OTOA: variants seen among roughly 807,000 people sequenced by gnomAD.
The protein encoded by OTOA is cancer/testis antigen 108.
A neutral mutation model predicts 110.8 loss-of-function variants in OTOA; 70 were observed. That is an observed-to-expected ratio of 0.63 (90% CI 0.52 to 0.77). The LOEUF is 0.77. Ranked by LOEUF, OTOA falls within the 30% of genes least tolerant of loss-of-function variation. OTOA has a pLI of 0.00. For synonymous variants in OTOA, 373 were observed against 431.5 expected (o/e 0.86, Z 1.68); for missense variants, 917 against 1,075.8 (o/e 0.85, Z 2.06).
At chr16:21,707,628 T>TCTTTCTTC (rs2141684479) in intron 12 of OTOA, among the ~76,000 whole-genome samples, 1 of 107,214 alleles carries the variant, frequency 9.3e-6, no homozygotes, top group South Asian at 2.9e-4. Context: ...TTTCTTTCTT[T>TCTTTCTTC]CTTTCTTTCT....
chr16:21,723,297 G>A (rs867149340), intron 18 of OTOA, among the ~76,000 whole-genome samples: 15 of 152,172 alleles, frequency 9.9e-5, no homozygotes, highest in African/African-American at 3.6e-4. Context: ...GAGTTGAGGG[G>A]AGCAGTAGGC....
At chr16:21,694,402 C>G (rs1897892034) in intron 9 of OTOA, among the ~76,000 whole-genome samples, 1 of 151,998 alleles carries the variant, frequency 6.6e-6, no homozygotes. Context: ...GTGATGGAGC[C>G]ACTGGACTCC....
intron 13 of OTOA, among the ~76,000 whole-genome samples, chr16:21,712,056 G>T (rs1898374119): frequency 6.6e-6 from 1 of 152,146 alleles, no homozygotes; most frequent in African/African-American, 2.4e-5. Context: ...GGCTGGGCAT[G>T]GTGGCTTATG....
At chr16:21,699,431 T>C (rs1021727312) in intron 10 of OTOA, among the ~76,000 whole-genome samples, 16 of 151,942 alleles carry the variant, frequency 1.1e-4, no homozygotes, top group African/African-American at 3.9e-4. Context: ...AGCCCAGAAG[T>C]GCAAGACCAG....
At chr16:21,680,865 A>AG (rs1293420076) in intron 5 of OTOA, among the ~76,000 whole-genome samples, 1 of 152,060 alleles carries the variant, frequency 6.6e-6, no homozygotes. Flanking sequence ...AAAAAAAAAA[A>AG]AAAAATGAGA....
chr16:21,707,724 C>T (rs1157208881), intron 12 of OTOA, among the ~76,000 whole-genome samples: 1 of 130,844 alleles, frequency 7.6e-6, no homozygotes, highest in Non-Finnish European at 1.6e-5. Flanking sequence ...TCTTCTCTTT[C>T]TCACTCTCTC....
At chr16:21,725,450 C>A (rs1338855719) in intron 18 of OTOA, among the ~76,000 whole-genome samples, 4 of 152,154 alleles carry the variant, frequency 2.6e-5, no homozygotes, top group Non-Finnish European at 5.9e-5. Flanking sequence ...CCATGCCCAG[C>A]TAATTTTTTG....
At chr16:21,677,725 G>T (rs558553867) in intron 1 of OTOA, among the ~76,000 whole-genome samples, 1 of 151,748 alleles carries the variant, frequency 6.6e-6, no homozygotes, top group African/African-American at 2.4e-5. Context: ...CTCATGATCC[G>T]CCCACCTCAG....
intron 11 of OTOA, among the ~76,000 whole-genome samples, chr16:21,701,901 T>G (rs1470398288): frequency 6.7e-6 from 1 of 149,814 alleles, no homozygotes; most frequent in East Asian, 2.0e-4. Flanking sequence ...CCTCCCAAAC[T>G]GCTGGGATTA....
intron 9 of OTOA, among the ~76,000 whole-genome samples, chr16:21,695,891 A>ATATATTTTTTTTTT (rs569493650): frequency 7.2e-5 from 3 of 41,904 alleles, no homozygotes; most frequent in East Asian, 5.9e-4. Flanking sequence ...ATATATATAT[A>ATATATTTTTTTTTT]TTTTTTTTTT....
At chr16:21,689,602 CAG>C (rs1032678635) in intron 8 of OTOA, among the ~76,000 whole-genome samples, 2 of 152,078 alleles carry the variant, frequency 1.3e-5, no homozygotes, top group African/African-American at 4.8e-5. Context: ...CAGCTGGATC[CAG>C]AGACTCAAAT....
intron 8 of OTOA, among the ~76,000 whole-genome samples, chr16:21,689,075 A>G (rs959821140): frequency 2.6e-5 from 4 of 152,078 alleles, no homozygotes; most frequent in Non-Finnish European, 5.9e-5. Context: ...TTTGATGTAA[A>G]CCAAATTCGA....
At chr16:21,665,193 T>C (rs1378134716) in intron 1 of OTOA, among the ~76,000 whole-genome samples, 2 of 151,968 alleles carry the variant, frequency 1.3e-5, no homozygotes, top group East Asian at 3.9e-4. Context: ...CACCTGGAGT[T>C]TTAGGTTCAG....
chr16:21,719,280 G>A, intron 16 of OTOA, 89 bp downstream of exon 16: 3 of 1,570,028 alleles, frequency 1.9e-6, no homozygotes, highest in South Asian at 2.2e-5. Context: ...GGAGAGTTAG[G>A]CAGTCACATC....
In OTOA at chr16:21,674,518, G is replaced by C. The variant is rs916573667; in HGVS notation, c.-4-3993G>C. ...CCGGCTAATATTTGTATTTTTAGTA[G>C]AGATGGGGTTTCACCATGTTGGCCA... On this transcript the variant is annotated intron_variant, in intron 1 of 28. Transcript: ENST00000646100. 5.9e-5 allele frequency among the ~76,000 whole-genome samples: 9 copies of C among 152,190 alleles called. No individual in the cohort carries two copies. In the South Asian group the frequency reaches 8.3e-4, roughly 14 times the overall value.
At chr16:21,678,454 GTA>G (rs375091519) in intron 1 of OTOA, 55 bp from the exon 2 acceptor site, 4,661 of 832,586 alleles carry the variant, frequency 5.6e-3, no homozygotes, top group Middle Eastern at 6.4e-3. Context: ...GTGTGTGTGT[GTA>G]TATATATATA....
At position 21,722,818 on chromosome 16, in the gene OTOA, A is replaced by G. The variant is rs146269134; in HGVS notation, c.1807-87A>G. The G allele has an allele frequency of 4.2e-6, 5 of 1,192,048 alleles. No individual in the cohort carries two copies. The East Asian group carries it at 1.2e-4, about 28-fold the overall frequency. 73.8% of individuals were successfully genotyped at this position (1,192,048 alleles called of 1,614,324 possible). A position where few individuals can be genotyped will look rare whatever the true frequency, so the allele number is the denominator to read the frequency against. On this transcript the variant is annotated intron_variant, in intron 17 of 28. Coordinates refer to ENST00000646100, the MANE Select transcript of OTOA (RefSeq NM_144672.4). ...TTGCATAAATGAACACGTATGAAGC[A>G]CTTAGAATAGTACCTGGCACATGGA...
intron 5 of OTOA, among the ~76,000 whole-genome samples, chr16:21,680,742 A>G (rs1966882229): frequency 6.6e-6 from 1 of 151,688 alleles, no homozygotes; most frequent in Non-Finnish European, 1.5e-5. Flanking sequence ...AATTCCAGCT[A>G]CTTGGAAGGC....
chr16:21,668,646 G>A (rs12930093), intron 1 of OTOA, among the ~76,000 whole-genome samples: 2 of 151,262 alleles, frequency 1.3e-5, no homozygotes, highest in African/African-American at 4.9e-5. Flanking sequence ...ATCTTTAGTA[G>A]AGATGGGTTT....
Sources: gnomAD v4.1 joint callset for allele counts (sites outside exome capture counted in the v4.1 genomes callset) on GRCh38, gnomAD v4.1.1 for gene constraint, MANE v1.5 for transcripts, NCBI Gene and HGNC (gene_info 2026-07-23, HGNC 2026-07-21) for gene names.